Variants in S100PBP observed in about 807,000 individuals in gnomAD.
S100PBP encodes the protein S100P binding protein.
S100PBP carries 15 observed loss-of-function variants against 39.9 expected under a neutral mutation model. The ratio of observed to expected loss-of-function variants is 0.38; its 90% CI spans 0.25 to 0.58. The LOEUF (loss-of-function observed/expected upper bound fraction) is 0.58. Ranked by LOEUF, S100PBP falls within the 20% of genes least tolerant of loss-of-function variation. The pLI is 0.70. For synonymous variants in S100PBP, 178 were observed against 180.3 expected, an observed-to-expected ratio of 0.99 and a Z score of 0.10; for missense variants, 504 against 487.3, an observed-to-expected ratio of 1.03 and a Z score of -0.32.
intron 3 of S100PBP, 63 bp downstream of exon 3, chr1:32,826,993 G>T (rs575768627): frequency 8.7e-7 from 1 of 1,147,936 alleles, no homozygotes; most frequent in African/African-American, 1.6e-5. Context: ...ATGTATAGCA[G>T]AGTTTCCATA....
At chr1:32,828,332 G>A (rs1639432406) in intron 4 of S100PBP, among the ~76,000 whole-genome samples, 1 of 152,046 alleles carries the variant, frequency 6.6e-6, no homozygotes, top group Non-Finnish European at 1.5e-5. Flanking sequence ...AAGCAAAATA[G>A]ACATATTAGC....
At chr1:32,821,818 T>G (rs574043470) in intron 1 of S100PBP, among the ~76,000 whole-genome samples, 1 of 152,130 alleles carries the variant, frequency 6.6e-6, no homozygotes, top group Non-Finnish European at 1.5e-5. Context: ...TTTGTAGTTT[T>G]AGTAGAAATG....
At chr1:32,826,956 G>T in intron 3 of S100PBP, 26 bp downstream of exon 3, 1 of 1,446,072 alleles carries the variant, frequency 6.9e-7, no homozygotes, top group Non-Finnish European at 9.4e-7. Context: ...TCAAGGTGAA[G>T]AGAAAAATGA....
At chr1:32,846,206 G>T (rs1020386183) in intron 5 of S100PBP, among the ~76,000 whole-genome samples, 2 of 150,444 alleles carry the variant, frequency 1.3e-5, no homozygotes, top group Non-Finnish European at 3.0e-5. Context: ...GGCCAGGCTG[G>T]TCTTGAACTC....
chr1:32,833,142 A>G (rs1380641045), intron 5 of S100PBP, among the ~76,000 whole-genome samples: 2 of 152,166 alleles, frequency 1.3e-5, no homozygotes, highest in Middle Eastern at 3.2e-3. Flanking sequence ...TCTGTTCTAT[A>G]TATTTTTGCC....
chr1:32,845,909 G>T (rs953382864), intron 5 of S100PBP, among the ~76,000 whole-genome samples: 1 of 150,610 alleles, frequency 6.6e-6, no homozygotes, highest in African/African-American at 2.4e-5. Flanking sequence ...AAACTCCTGG[G>T]CTCAAGTGAT....
chr1:32,845,786 T>G (rs1640342523), intron 5 of S100PBP, among the ~76,000 whole-genome samples: 1 of 151,808 alleles, frequency 6.6e-6, no homozygotes, highest in South Asian at 2.1e-4. Flanking sequence ...CTCGTGATCT[T>G]CCTACCTCAG....
intron 5 of S100PBP, among the ~76,000 whole-genome samples, chr1:32,845,698 T>TA (rs1483138293): frequency 3.3e-5 from 5 of 149,846 alleles, no homozygotes; most frequent in East Asian, 3.9e-4. Context: ...TTTTTTTTTT[T>TA]AAGATAAAGC....
intron 5 of S100PBP, among the ~76,000 whole-genome samples, chr1:32,842,236 T>TATACACACACAC (rs372174677): frequency 1.6e-4 from 13 of 80,874 alleles, no homozygotes; most frequent in Admixed American, 8.2e-4. Flanking sequence ...TATATATATA[T>TATACACACACAC]ACACACACAC....
At chr1:32,821,994 A>T (rs976496906) in intron 1 of S100PBP, among the ~76,000 whole-genome samples, 2 of 152,200 alleles carry the variant, frequency 1.3e-5, no homozygotes, top group Non-Finnish European at 2.9e-5. Context: ...AGATTAAAAT[A>T]CACATAAGAC....
At chr1:32,817,352 A>C (rs1569797428), upstream of S100PBP, 1 of 1,441,214 alleles carries the variant, frequency 6.9e-7, no homozygotes, top group Non-Finnish European at 9.6e-7. Context: ...GCCAGGTTGC[A>C]TCAGCTGGGC....
chr1:32,829,930 C>G, intron 4 of S100PBP, 34 bp from the exon 5 acceptor site: 1 of 1,425,430 alleles, frequency 7.0e-7, no homozygotes, highest in Non-Finnish European at 9.9e-7. Flanking sequence ...TTCTAATGGG[C>G]TGTTTTTCTT....
chr1:32,820,144 CTTT>C (rs5773387), intron 1 of S100PBP, among the ~76,000 whole-genome samples: 10 of 104,828 alleles, frequency 9.5e-5, no homozygotes, highest in African/African-American at 3.9e-4. Context: ...CGTTCCTATG[CTTT>C]TTTTTTTTTT....
chr1:32,839,822 CTTAT>C (rs758973087), intron 5 of S100PBP, among the ~76,000 whole-genome samples: 10 of 151,958 alleles, frequency 6.6e-5, no homozygotes, highest in Admixed American at 6.6e-5. Context: ...TTTTCTTTTA[CTTAT>C]TTGTTTTTTG....
chr1:32,833,615 G>A (rs1434033665), intron 5 of S100PBP, among the ~76,000 whole-genome samples: 2 of 151,864 alleles, frequency 1.3e-5, no homozygotes, highest in African/African-American at 4.8e-5. Flanking sequence ...GCCCACCTTG[G>A]CCTCCCAAAG....
At chr1:32,849,842 ATTAG>A (rs1640539252) in intron 5 of S100PBP, among the ~76,000 whole-genome samples, 1 of 152,230 alleles carries the variant, frequency 6.6e-6, no homozygotes, top group Non-Finnish European at 1.5e-5. Context: ...CTTTGGGCAA[ATTAG>A]TTAACTTTTC....
Position 32,826,529 on chromosome 1 carries a change from A to T in S100PBP, c.430A>T (p.Ile144Leu), listed in dbSNP as rs550806492. ...ACGCTCTGTACTAGAAAAGAATCTT[A>T]TAAAAGTAACTGTTGCACCATTTAA... ...NRRSVLEKNL[I>L]KVTVAPFNPT... The change falls in exon 3 of 7, where the codon ATA becomes TTA. Residue 144 changes from isoleucine to leucine, a missense_variant. Physicochemically the swap from Ile to Leu is conservative, Grantham distance 5 (BLOSUM62 2). Coordinates refer to ENST00000373475, the MANE Select transcript of S100PBP (RefSeq NM_022753.4). 5.6e-6 allele frequency: 9 copies of T among 1,614,084 alleles called. No individual in the cohort carries two copies. The Admixed American group carries it at 8.3e-5, about 15-fold the overall frequency.
intron 5 of S100PBP, among the ~76,000 whole-genome samples, chr1:32,844,128 C>A (rs1640245401): frequency 1.3e-5 from 2 of 152,028 alleles, no homozygotes; most frequent in Non-Finnish European, 2.9e-5. Flanking sequence ...GTTGGCCAGG[C>A]TGGTCTTGAA....
chr1:32,842,622 TCTCA>T (rs995749995), intron 5 of S100PBP, among the ~76,000 whole-genome samples: 40 of 151,962 alleles, frequency 2.6e-4, no homozygotes, highest in African/African-American at 8.4e-4. Flanking sequence ...TGAGATGGAG[TCTCA>T]CTCTGTTGCC....
Sources: gnomAD v4.1 joint callset for allele counts (sites outside exome capture counted in the v4.1 genomes callset) on GRCh38, gnomAD v4.1.1 for gene constraint, MANE v1.5 for transcripts, NCBI Gene and HGNC (gene_info 2026-07-23, HGNC 2026-07-21) for gene names.